The following PNKD variants were observed in gnomAD, a reference collection of about 807,000 sequenced individuals.
PNKD encodes the protein PNKD metallo-beta-lactamase domain containing.
PNKD carries 36 observed loss-of-function variants against 45.3 expected under a neutral mutation model. The ratio of observed to expected loss-of-function variants is 0.80; its 90% confidence interval spans 0.61 to 1.05. The LOEUF is 1.05. PNKD is among the 50% of genes least tolerant of loss of function. PNKD has a pLI of 0.00. For synonymous variants in PNKD, 197 were observed against 210.1 expected (o/e 0.94, Z 0.54); for missense variants, 511 against 506.6 (o/e 1.01, Z -0.08).
At chr2:218,304,545 C>T (rs778273775) in intron 2 of PNKD, among the ~76,000 whole-genome samples, 1 of 152,174 alleles carries the variant, frequency 6.6e-6, no homozygotes, top group Non-Finnish European at 1.5e-5. Context: ...TGCCGGTAGC[C>T]TTGCAGAGCA....
intron 2 of PNKD, among the ~76,000 whole-genome samples, chr2:218,296,053 G>T (rs1693133621): frequency 6.6e-6 from 1 of 152,008 alleles, no homozygotes; most frequent in Non-Finnish European, 1.5e-5. Context: ...TTGCCATGTT[G>T]CCCAGGCTGG....
intron 2 of PNKD, among the ~76,000 whole-genome samples, chr2:218,322,021 C>A (rs1043352721): frequency 3.0e-4 from 44 of 147,628 alleles, no homozygotes; most frequent in Non-Finnish European, 3.0e-5. Flanking sequence ...CTCCTGGGTT[C>A]AAGCGATTCT....
intron 2 of PNKD, chr2:218,279,997 G>A: frequency 1.3e-6 from 2 of 1,598,520 alleles, no homozygotes; most frequent in Non-Finnish European, 1.7e-6. Context: ...GGGGCCCCAG[G>A]TACACCCACC....
chr2:218,319,707 A>C (rs2891077), intron 2 of PNKD, among the ~76,000 whole-genome samples: 89,886 of 151,910 alleles, frequency 0.59, 26,994 homozygotes, highest in South Asian at 0.68. Context: ...TTAGCAGCAT[A>C]CCTGGCCTCT....
chr2:218,278,933 C>A, intron 2 of PNKD: 1 of 1,350,390 alleles, frequency 7.4e-7, no homozygotes, highest in South Asian at 1.3e-5. Flanking sequence ...ACTTGGGGGC[C>A]CTCTCAAAAA....
intron 2 of PNKD, among the ~76,000 whole-genome samples, chr2:218,302,847 G>C (rs1482576385): frequency 6.6e-6 from 1 of 152,168 alleles, no homozygotes. Context: ...GTTGAAGGGA[G>C]CTTCCAGGTT....
rs1010769647 is a variant in PNKD at position 218,272,665 on chromosome 2, T to C, written c.236+1116T>C. The C allele has an allele frequency of 3.1e-6, 5 of 1,614,098 alleles. No homozygotes were observed. In the African/African-American group the frequency reaches 5.3e-5, roughly 17 times the overall value. On this transcript the variant is annotated intron_variant, in intron 2 of 9. Transcript: ENST00000273077. Reference sequence around the variant, plus strand: ...AAGCAGATGAAGGCTCGGCAGAACATGCGGTTGTCCAACACGGGCGAGTAT... The same window carrying C: ...AAGCAGATGAAGGCTCGGCAGAACACGCGGTTGTCCAACACGGGCGAGTAT...
At chr2:218,275,718 C>G in intron 2 of PNKD, 2 of 1,432,012 alleles carry the variant, frequency 1.4e-6, no homozygotes, top group African/African-American at 2.8e-5. Flanking sequence ...ATGCGCCACA[C>G]AGTGCTTAGG....
intron 2 of PNKD, among the ~76,000 whole-genome samples, chr2:218,289,714 G>A (rs754783138): frequency 2.0e-5 from 3 of 151,150 alleles, no homozygotes; most frequent in Non-Finnish European, 4.4e-5. Flanking sequence ...AGGCTTCAGG[G>A]CAGAATGGCA....
rs7585702 is a variant in PNKD at position 218,281,884 on chromosome 2, T to C, written c.236+10335T>C. ...AAAGGGGCAGGAGGCGGTGGCCTCATCTGCTCCAAGTGCTGTCCCTCCCAC... is the reference window on the plus strand; with the variant it reads ...AAAGGGGCAGGAGGCGGTGGCCTCACCTGCTCCAAGTGCTGTCCCTCCCAC... On this transcript the variant is annotated intron_variant, in intron 2 of 9. Transcript: ENST00000273077. 0.39 allele frequency: 558,726 copies of C among 1,432,544 alleles called. 110,591 individuals are homozygous for C. The highest frequency in any genetic ancestry group is 0.49 in the Middle Eastern group (2,249 of 4,592). The allele number at this position is 1,432,544 out of a possible 1,614,324, so 88.7% of individuals were successfully genotyped here. A position where few individuals can be genotyped will look rare whatever the true frequency, so the allele number is the denominator to read the frequency against.
At chr2:218,342,940 G>A (rs1694724549) in intron 7 of PNKD, among the ~76,000 whole-genome samples, 1 of 152,216 alleles carries the variant, frequency 6.6e-6, no homozygotes. Flanking sequence ...CTGCACTGCA[G>A]CCTGGGCAAC....
intron 2 of PNKD, among the ~76,000 whole-genome samples, chr2:218,303,435 C>G (rs1017079926): frequency 6.6e-6 from 1 of 151,852 alleles, no homozygotes; most frequent in East Asian, 1.9e-4. Context: ...TGGCTCTGAG[C>G]GGTGAATGGG....
chr2:218,279,366 G>A (rs12987180), intron 2 of PNKD: 603,085 of 1,546,574 alleles, frequency 0.39, 119,381 homozygotes, highest in Middle Eastern at 0.49. Context: ...GGACACAGAC[G>A]GCCGGGCATG....
chr2:218,295,947 G>A (rs1693131205), intron 2 of PNKD, among the ~76,000 whole-genome samples: 1 of 150,172 alleles, frequency 6.7e-6, no homozygotes, highest in Non-Finnish European at 1.5e-5. Flanking sequence ...CCAGGCTCAA[G>A]CCATCCTCCC....
intron 2 of PNKD, chr2:218,323,185 G>A: frequency 1.4e-6 from 2 of 1,382,426 alleles, no homozygotes; most frequent in African/African-American, 1.5e-5. Flanking sequence ...GAGCCGGCAG[G>A]CAGGTTCCCC....
At chr2:218,332,924 A>G (rs1694372362) in intron 2 of PNKD, among the ~76,000 whole-genome samples, 1 of 152,084 alleles carries the variant, frequency 6.6e-6, no homozygotes, top group South Asian at 2.1e-4. Flanking sequence ...AAAGACTCCG[A>G]GGCCTCCTGA....
At chr2:218,279,345 G>A (rs769903202) in intron 2 of PNKD, 17 of 1,579,462 alleles carry the variant, frequency 1.1e-5, no homozygotes, top group Non-Finnish European at 9.5e-6. Flanking sequence ...CGGAGATGAT[G>A]GAGTAAACCT....
rs1247265915 is a variant in PNKD, at chr2:218,315,100, CCT to C, written c.237-24682_237-24681del. Among the ~76,000 whole-genome samples, 883 of 123,656 alleles carry C rather than the reference CCT, an allele frequency of 7.1e-3. 6 individuals carry two copies. The highest frequency in any genetic ancestry group is 0.014 in the East Asian group (52 of 3,700). The allele number at this position is 123,656 out of a possible 152,430, so 81.1% of individuals were successfully genotyped here. A position where few individuals can be genotyped will look rare whatever the true frequency, so the allele number is the denominator to read the frequency against. On this transcript the variant is annotated intron_variant, in intron 2 of 9. Transcript: ENST00000273077. ...TTTCTTTCTCTCTCTCTCTCTCCTT[CCT>C]TCCTTCCTTCCTTCCTTCCTTTCTT...
At chr2:218,343,670 G>A (rs552218099) in intron 8 of PNKD, 84 bp downstream of exon 8, 2 of 1,031,078 alleles carry the variant, frequency 1.9e-6, no homozygotes, top group Non-Finnish European at 3.0e-6. Context: ...CACTCCCCTA[G>A]AAAGCAGGCC....
Sources: gnomAD v4.1 joint callset for allele counts (sites outside exome capture counted in the v4.1 genomes callset) on GRCh38, gnomAD v4.1.1 for gene constraint, MANE v1.5 for transcripts, NCBI Gene and HGNC (gene_info 2026-07-23, HGNC 2026-07-21) for gene names.